Variants in VAMP7 observed in about 807,000 individuals in gnomAD.
VAMP7 encodes vesicle associated membrane protein 7, also known as vesicle-associated membrane protein 7.
VAMP7 carries 14 observed loss-of-function variants against 29.6 expected under a neutral mutation model. The observed-to-expected ratio is 0.47, with a 90% confidence interval of 0.31 to 0.74. VAMP7 has a LOEUF of 0.74. Among genes scored for constraint, VAMP7 ranks in the 30% least tolerant of loss-of-function variants. VAMP7 has a pLI of 0.05. For missense variants in VAMP7, 223 were observed against 262.4 expected, an observed-to-expected ratio of 0.85 and a Z score of 1.04; for synonymous variants, 95 against 88.1, an observed-to-expected ratio of 1.08 and a Z score of -0.44.
chrX:155,892,999 C>A (rs1156657235), intron 2 of VAMP7, among the ~76,000 whole-genome samples: 1 of 152,040 alleles, frequency 6.6e-6, no homozygotes, highest in Admixed American at 6.5e-5. Context: ...GCAATCCGCC[C>A]GCCTCGGCCT....
chrX:155,896,347 TTAGA>T (rs2065987260), intron 3 of VAMP7, among the ~76,000 whole-genome samples: 1 of 152,196 alleles, frequency 6.6e-6, no homozygotes, highest in Non-Finnish European at 1.5e-5. Context: ...GAATGTTAAA[TTAGA>T]TAGCATCATT....
intron 5 of VAMP7, among the ~76,000 whole-genome samples, chrX:155,914,675 C>T (rs182307796): frequency 2.6e-5 from 4 of 152,086 alleles, no homozygotes; most frequent in East Asian, 1.9e-4. Flanking sequence ...TATTGATTTG[C>T]GTATGTTGAA....
intron 6 of VAMP7, among the ~76,000 whole-genome samples, chrX:155,936,267 C>G (rs2066653666): frequency 6.6e-6 from 1 of 152,272 alleles, no homozygotes; most frequent in Middle Eastern, 3.4e-3. Context: ...TTTCTGCTGC[C>G]TTTTGTTCAG....
intron 6 of VAMP7, among the ~76,000 whole-genome samples, chrX:155,934,203 A>C (rs925237456): frequency 4.6e-5 from 7 of 152,164 alleles, no homozygotes; most frequent in Non-Finnish European, 1.0e-4. Flanking sequence ...AGTTCTGTAG[A>C]TGTCTGTTAG....
chrX:155,933,688 T>C (rs1366640333), intron 6 of VAMP7, among the ~76,000 whole-genome samples: 1 of 152,202 alleles, frequency 6.6e-6, no homozygotes, highest in Non-Finnish European at 1.5e-5. Context: ...GAAGGGTTTT[T>C]TGTGTCTCTA....
chrX:155,922,681 T>A (rs2066412968), intron 6 of VAMP7, among the ~76,000 whole-genome samples: 1 of 152,062 alleles, frequency 6.6e-6, no homozygotes, highest in African/African-American at 2.4e-5. Flanking sequence ...CTTTAGGTTT[T>A]GGTATCAGGA....
In VAMP7 at chrX:155,931,680, G is replaced by A. The variant is rs1235408699; in HGVS notation, c.502-8021G>A. 1.5e-4 allele frequency among the ~76,000 whole-genome samples: 23 copies of A among 152,202 alleles called. No homozygotes were observed. The East Asian group carries it at 4.4e-3, about 29-fold the overall frequency. On this transcript the variant is annotated intron_variant, in intron 6 of 7. Transcript: ENST00000286448. ...TGTAGGTTGCCTGTTCACTCTGATGGTAGTTTCTTTTGCTGTGCAGAAGCT... is the reference window on the plus strand; with the variant it reads ...TGTAGGTTGCCTGTTCACTCTGATGATAGTTTCTTTTGCTGTGCAGAAGCT...
chrX:155,882,559 C>T (rs1283643416), intron 1 of VAMP7, among the ~76,000 whole-genome samples: 5 of 152,156 alleles, frequency 3.3e-5, no homozygotes, highest in Non-Finnish European at 7.3e-5. Flanking sequence ...CTTCTATCTC[C>T]TCCAAGGTTA....
intron 5 of VAMP7, among the ~76,000 whole-genome samples, chrX:155,902,987 T>A (rs2066089188): frequency 6.6e-6 from 1 of 151,882 alleles, no homozygotes; most frequent in African/African-American, 2.4e-5. Flanking sequence ...CTGCTGTGAA[T>A]CCATCTGGTC....
At chrX:155,924,587 G>A (rs2066442576) in intron 6 of VAMP7, among the ~76,000 whole-genome samples, 1 of 151,996 alleles carries the variant, frequency 6.6e-6, no homozygotes, top group Non-Finnish European at 1.5e-5. Context: ...AAGCATAATA[G>A]TTTATTGCTT....
At chrX:155,931,311 G>A (rs1461677245) in intron 6 of VAMP7, among the ~76,000 whole-genome samples, 1 of 152,170 alleles carries the variant, frequency 6.6e-6, no homozygotes, top group Non-Finnish European at 1.5e-5. Flanking sequence ...GGTTGAACTA[G>A]TTTACAGTCC....
At chrX:155,925,534 G>T (rs967444100) in intron 6 of VAMP7, among the ~76,000 whole-genome samples, 1 of 152,158 alleles carries the variant, frequency 6.6e-6, no homozygotes, top group Non-Finnish European at 1.5e-5. Flanking sequence ...GCCCAAGGTG[G>T]TCAAAGCCCA....
intron 6 of VAMP7, among the ~76,000 whole-genome samples, chrX:155,937,824 G>T (rs1158565622): frequency 1.1e-4 from 16 of 151,508 alleles, no homozygotes; most frequent in Admixed American, 2.0e-4. Flanking sequence ...ATAAGCACAT[G>T]TTAAATATCT....
intron 5 of VAMP7, among the ~76,000 whole-genome samples, chrX:155,913,850 A>C (rs1259540972): frequency 1.3e-5 from 2 of 152,144 alleles, no homozygotes; most frequent in Non-Finnish European, 2.9e-5. Context: ...TGTCTTGGCT[A>C]TGTGGGCTCT....
At chrX:155,933,359 T>C (rs2066594178) in intron 6 of VAMP7, among the ~76,000 whole-genome samples, 1 of 152,152 alleles carries the variant, frequency 6.6e-6, no homozygotes, top group Non-Finnish European at 1.5e-5. Flanking sequence ...GGTAAGCTAT[T>C]AATTATTGCC....
intron 6 of VAMP7, among the ~76,000 whole-genome samples, chrX:155,931,942 C>T (rs1320780993): frequency 6.6e-6 from 1 of 152,166 alleles, no homozygotes; most frequent in Non-Finnish European, 1.5e-5. Flanking sequence ...CCAGTTTTCC[C>T]AGCACCATTT....
At position 155,895,476 on chromosome X, in the gene VAMP7, TGGGAAG is replaced by T; in HGVS notation, c.147-140_147-135del. 2 of 582,634 alleles carry T rather than the reference TGGGAAG, an allele frequency of 3.4e-6. 1 individual carries two copies. The highest frequency in any genetic ancestry group is 4.7e-5 in the South Asian group (2 of 42,636). 36.1% of individuals were successfully genotyped at this position (582,634 alleles called of 1,614,324 possible). ...TTTGACTTGAAAGAAACAGGTATAT[TGGGAAG>T]GGGAAGAGGGAGAAGAGACTGTATC... On this transcript the variant is annotated intron_variant, in intron 2 of 7. Coordinates refer to ENST00000286448, the MANE Select transcript of VAMP7 (RefSeq NM_005638.6).
intron 4 of VAMP7, 37 bp downstream of exon 4, chrX:155,898,286 A>T (rs2066014064): frequency 1.2e-6 from 2 of 1,606,964 alleles, no homozygotes; most frequent in Admixed American, 3.4e-5. Context: ...TTTGATTTAT[A>T]TCTTCTTCAT....
chrX:155,910,197 A>G (rs1376818962), intron 5 of VAMP7, among the ~76,000 whole-genome samples: 1 of 152,182 alleles, frequency 6.6e-6, no homozygotes, highest in Non-Finnish European at 1.5e-5. Flanking sequence ...GTGAGTAAGA[A>G]CATGTGATAT....
Sources: allele counts gnomAD v4.1 joint callset (sites outside exome capture counted in the v4.1 genomes callset), GRCh38; gene constraint gnomAD v4.1.1; transcripts MANE v1.5; gene names NCBI Gene and HGNC (gene_info 2026-07-23, HGNC 2026-07-21).